Variants in GFOD2 observed in about 807,000 individuals in gnomAD.
The protein encoded by GFOD2 is Gfo/Idh/MocA-like oxidoreductase domain containing 2, also known as glucose-fructose oxidoreductase domain-containing protein 2.
In GFOD2, 9 loss-of-function variants were observed where a neutral mutation model predicts 24.6. That is an observed-to-expected ratio of 0.37 (90% CI 0.22 to 0.64). GFOD2 has a LOEUF of 0.64. Ranked by LOEUF, GFOD2 falls within the 30% of genes least tolerant of loss-of-function variation. GFOD2 has a pLI of 0.65. For synonymous variants in GFOD2, 211 were observed against 224.8 expected (o/e 0.94, Z 0.55); for missense variants, 476 against 532.5 (o/e 0.89, Z 1.04).
intron 2 of GFOD2, among the ~76,000 whole-genome samples, chr16:67,679,198 A>G (rs1197566897): frequency 6.6e-6 from 1 of 151,942 alleles, no homozygotes; most frequent in Non-Finnish European, 1.5e-5. Flanking sequence ...ACTCACATAG[A>G]AACTACATTT....
intron 2 of GFOD2, chr16:67,682,154 C>T (rs183135913): frequency 2.8e-4 from 52 of 184,770 alleles, no homozygotes; most frequent in Non-Finnish European, 4.3e-4. Flanking sequence ...TCTCCTGCCT[C>T]AGCCTCCTGA....
At chr16:67,707,312 C>T (rs1230568520) in intron 1 of GFOD2, among the ~76,000 whole-genome samples, 5 of 150,078 alleles carry the variant, frequency 3.3e-5, no homozygotes, top group East Asian at 3.9e-4. Context: ...GAGTGAAGAT[C>T]GCGCCATTGC....
Position 67,675,621 on chromosome 16 carries a change from C to T in GFOD2, c.692G>A (p.Gly231Glu), listed in dbSNP as rs11539687. 1 of 1,613,260 alleles carries T rather than the reference C, an allele frequency of 6.2e-7. No individual in the cohort carries two copies. Among genetic ancestry groups the T allele is most frequent in the South Asian group, 1.1e-5 (1 of 91,090 alleles). The part of the protein sequence containing the change: ...DFCFFQMLMG[G>E]GVCSTVTLNF... ...GAGTGTCACTGTGCTACACACACCCCCACCCATGAGCATCTGGAAGAAACA... is the reference window on the plus strand; with the variant it reads ...GAGTGTCACTGTGCTACACACACCCTCACCCATGAGCATCTGGAAGAAACA... Residue 231 changes from glycine (G) to glutamate (E), a missense_variant, in exon 3 of 3, where the codon GGG becomes GAG. Coordinates refer to ENST00000268797, the MANE Select transcript of GFOD2 (RefSeq NM_030819.4).
intron 1 of GFOD2, among the ~76,000 whole-genome samples, chr16:67,700,654 G>A (rs946047854): frequency 6.6e-6 from 1 of 151,884 alleles, no homozygotes; most frequent in African/African-American, 2.4e-5. Flanking sequence ...AGAGGTTGCA[G>A]TGAACTGAGA....
At chr16:67,681,447 G>T (rs2053224617) in intron 2 of GFOD2, 1 of 968,164 alleles carries the variant, frequency 1.0e-6, no homozygotes, top group Non-Finnish European at 1.2e-6. Context: ...TTTAGATGGG[G>T]ACTCGCTTTG....
intron 2 of GFOD2, among the ~76,000 whole-genome samples, chr16:67,678,390 C>T (rs1225342173): frequency 1.3e-5 from 2 of 151,044 alleles, no homozygotes; most frequent in African/African-American, 2.4e-5. Context: ...GCAGGAAAAT[C>T]ACTTGAACCC....
At chr16:67,717,567 G>T (rs950935252) in intron 1 of GFOD2, among the ~76,000 whole-genome samples, 118 of 152,296 alleles carry the variant, frequency 7.7e-4, no homozygotes, top group African/African-American at 2.8e-3. Flanking sequence ...AAGGCAGGCA[G>T]ATCATCTGAG....
chr16:67,686,691 C>G (rs755899816), intron 1 of GFOD2, among the ~76,000 whole-genome samples: 190 of 151,864 alleles, frequency 1.3e-3, no homozygotes, highest in Non-Finnish European at 2.1e-3. Flanking sequence ...AAAAAACTAG[C>G]CAGGTGTGGT....
chr16:67,689,366 T>C (rs1195396861), intron 1 of GFOD2, among the ~76,000 whole-genome samples: 1 of 147,300 alleles, frequency 6.8e-6, no homozygotes, highest in East Asian at 2.2e-4. Flanking sequence ...AGTATATACA[T>C]CAGTGGTATT....
At position 67,675,038 on chromosome 16, in the gene GFOD2, C is replaced by T; in HGVS notation, c.*117G>A. 2.5e-6 allele frequency: 3 copies of T among 1,186,648 alleles called. No individual in the cohort carries two copies. Among genetic ancestry groups the T allele is most frequent in the Non-Finnish European group, 2.4e-6 (2 of 843,818 alleles). 73.5% of individuals were successfully genotyped at this position (1,186,648 alleles called of 1,614,324 possible). On this transcript the variant is annotated 3_prime_UTR_variant, in exon 3 of 3. Coordinates refer to ENST00000268797, the MANE Select transcript of GFOD2 (RefSeq NM_030819.4). ...GAAGTCCCAGAGCCACCTCTGGCTT[C>T]ACCCAGACTCATTAAATGAAAGACA...
At chr16:67,676,152 G>T in intron 2 of GFOD2, 99 bp from the exon 3 acceptor site, 5 of 1,178,466 alleles carry the variant, frequency 4.2e-6, no homozygotes, top group Non-Finnish European at 5.8e-6. Context: ...CCTTACAACT[G>T]CACGAACTAA....
At chr16:67,715,395 C>A (rs532060374) in intron 1 of GFOD2, among the ~76,000 whole-genome samples, 1 of 152,202 alleles carries the variant, frequency 6.6e-6, no homozygotes. Flanking sequence ...TTCACATCAC[C>A]ATGAGAGAAA....
chr16:67,693,798 T>TA (rs1351813988), intron 1 of GFOD2, among the ~76,000 whole-genome samples: 6 of 151,986 alleles, frequency 3.9e-5, no homozygotes, highest in Non-Finnish European at 7.4e-5. Context: ...CTCATGCCTG[T>TA]AATCCCAGCA....
chr16:67,695,269 T>C (rs530198566), intron 1 of GFOD2, among the ~76,000 whole-genome samples: 181 of 152,212 alleles, frequency 1.2e-3, no homozygotes, highest in Middle Eastern at 6.8e-3. Context: ...AGTGCTGGGA[T>C]TACAGGCATG....
intron 2 of GFOD2, chr16:67,681,496 C>T: frequency 1.3e-6 from 1 of 792,502 alleles, no homozygotes. Flanking sequence ...GCAACCTCCG[C>T]TTCCTGGGCT....
chr16:67,682,620 T>C (rs1022131671), intron 2 of GFOD2: 36 of 985,078 alleles, frequency 3.7e-5, no homozygotes, highest in Non-Finnish European at 3.4e-5. Context: ...CAAGATGCCA[T>C]AAAAAGAGCT....
At chr16:67,679,057 C>A (rs915471936) in intron 2 of GFOD2, among the ~76,000 whole-genome samples, 1 of 152,076 alleles carries the variant, frequency 6.6e-6, no homozygotes, top group Non-Finnish European at 1.5e-5. Context: ...GCCCCAGCTA[C>A]TTGGGAGACT....
At chr16:67,717,814 A>G (rs1376205992) in intron 1 of GFOD2, among the ~76,000 whole-genome samples, 1 of 152,186 alleles carries the variant, frequency 6.6e-6, no homozygotes, top group Non-Finnish European at 1.5e-5. Flanking sequence ...ATAGATAGAT[A>G]GAGAATTAGA....
intron 1 of GFOD2, among the ~76,000 whole-genome samples, chr16:67,693,290 TTTTTTTTTGACACAGTC>T (rs1386790029): frequency 6.6e-6 from 1 of 151,776 alleles, no homozygotes; most frequent in Non-Finnish European, 1.5e-5. Context: ...TTTGGGTTTT[TTTTTTTTTGACACAGTC>T]TCACTCTGTC....
Sources: gnomAD v4.1 joint callset for allele counts (sites outside exome capture counted in the v4.1 genomes callset) on GRCh38, gnomAD v4.1.1 for gene constraint, MANE v1.5 for transcripts, NCBI Gene and HGNC (gene_info 2026-07-23, HGNC 2026-07-21) for gene names.